The following TTC7B variants were observed in gnomAD, a reference collection of about 807,000 sequenced individuals.
TTC7B encodes tetratricopeptide repeat protein 7B.
In TTC7B, 28 loss-of-function variants were observed where a neutral mutation model predicts 106.8. That is an observed-to-expected ratio of 0.26 (90% CI 0.19 to 0.36). The LOEUF (loss-of-function observed/expected upper bound fraction) is 0.36, where lower values mean the gene tolerates loss of function less well. Ranked by LOEUF, TTC7B falls within the 10% of genes least tolerant of loss-of-function variation. TTC7B has a pLI of 1.00. For synonymous variants in TTC7B, 405 were observed against 430.6 expected (o/e 0.94, Z 0.74); for missense variants, 862 against 1,076.4 (o/e 0.80, Z 2.79).
chr14:90,569,372 G>A (rs1890931943), intron 19 of TTC7B, among the ~76,000 whole-genome samples: 1 of 152,190 alleles, frequency 6.6e-6, no homozygotes, highest in African/African-American at 2.4e-5. Flanking sequence ...GGCTGAGGCT[G>A]TGTCCCAAGT....
At chr14:90,734,282 T>C (rs889500385) in intron 4 of TTC7B, among the ~76,000 whole-genome samples, 1 of 151,790 alleles carries the variant, frequency 6.6e-6, no homozygotes, top group African/African-American at 2.4e-5. Context: ...TAGCCAGGTG[T>C]GGTGGCACGT....
chr14:90,671,735 G>A (rs1008750439), intron 9 of TTC7B, among the ~76,000 whole-genome samples: 2 of 152,230 alleles, frequency 1.3e-5, no homozygotes, highest in Non-Finnish European at 2.9e-5. Context: ...GAATGAGGAT[G>A]TGATAAACCT....
intron 12 of TTC7B, 146 bp downstream of exon 12, chr14:90,654,847 C>G: frequency 1.6e-6 from 1 of 635,140 alleles, no homozygotes; most frequent in African/African-American, 1.8e-5. Context: ...AGGACAGCAG[C>G]ACCAGGGGCC....
intron 19 of TTC7B, among the ~76,000 whole-genome samples, chr14:90,563,472 A>T (rs944987153): frequency 6.6e-6 from 1 of 152,182 alleles, no homozygotes; most frequent in Non-Finnish European, 1.5e-5. Flanking sequence ...CAATCATGTG[A>T]CCCTCAGCAA....
At chr14:90,726,883 A>G (rs1008152009) in intron 5 of TTC7B, among the ~76,000 whole-genome samples, 3 of 152,182 alleles carry the variant, frequency 2.0e-5, no homozygotes, top group Non-Finnish European at 4.4e-5. Flanking sequence ...AATAGATGTG[A>G]AATGGATCTG....
chr14:90,567,378 G>A (rs1349207506), intron 19 of TTC7B: 1 of 152,308 alleles, frequency 6.6e-6, no homozygotes, highest in Non-Finnish European at 1.5e-5. Flanking sequence ...TAAGGGGCAA[G>A]AAGAGACACA....
intron 18 of TTC7B, among the ~76,000 whole-genome samples, chr14:90,592,538 G>A (rs1455597971): frequency 6.6e-6 from 1 of 151,996 alleles, no homozygotes; most frequent in African/African-American, 2.4e-5. Flanking sequence ...GTGAAACCCC[G>A]TCTCTACTAA....
intron 5 of TTC7B, among the ~76,000 whole-genome samples, chr14:90,701,794 G>GTATATATA (rs1365407194): frequency 1.6e-5 from 2 of 124,874 alleles, no homozygotes; most frequent in African/African-American, 7.0e-5. Flanking sequence ...GTGTGTGTGT[G>GTATATATA]TGTATATATA....
rs1439835865 is a variant in TTC7B, at chr14:90,802,665, G to A, written c.121+13510C>T. Among the ~76,000 whole-genome samples, 1 of 152,214 alleles carries A rather than the reference G, an allele frequency of 6.6e-6. No homozygotes were observed. The highest frequency in any genetic ancestry group is 6.5e-5 in the Admixed American group (1 of 15,288). ...GAGCATGGGAATCCGACCTACTGAA[G>A]AGCGGCGGTGCTCCTCCCGGTCTTT... On this transcript the variant is annotated intron_variant, in intron 1 of 19. Transcript: ENST00000328459. The surrounding 1 kb of genome is among the most constrained non-coding windows in gnomAD (Gnocchi z 4.7).
At chr14:90,789,321 C>T (rs1891499585) in intron 1 of TTC7B, among the ~76,000 whole-genome samples, 1 of 152,116 alleles carries the variant, frequency 6.6e-6, no homozygotes, top group Non-Finnish European at 1.5e-5. Context: ...TGGTCTTGAA[C>T]TCCTGACCTC....
chr14:90,693,467 C>G (rs1887552905), intron 6 of TTC7B, among the ~76,000 whole-genome samples: 2 of 152,124 alleles, frequency 1.3e-5, no homozygotes, highest in South Asian at 4.1e-4. Context: ...TCCAATCTGC[C>G]TTATTCTGTC....
chr14:90,662,382 A>G (rs753026797), intron 9 of TTC7B, among the ~76,000 whole-genome samples: 2 of 152,216 alleles, frequency 1.3e-5, no homozygotes, highest in Non-Finnish European at 2.9e-5. Flanking sequence ...TGGTGAGCTT[A>G]GCAGTGCAGA....
At chr14:90,797,350 C>T (rs1024709020) in intron 1 of TTC7B, among the ~76,000 whole-genome samples, 8 of 147,088 alleles carry the variant, frequency 5.4e-5, no homozygotes, top group Non-Finnish European at 1.1e-4. Context: ...CCCAGCTACT[C>T]GGGAGGCTAA....
At chr14:90,555,293 TTC>T (rs1444854330) in intron 19 of TTC7B, among the ~76,000 whole-genome samples, 1 of 152,180 alleles carries the variant, frequency 6.6e-6, no homozygotes, top group Non-Finnish European at 1.5e-5. Flanking sequence ...TTCCCTGCTG[TTC>T]TCTGTCAGTC....
intron 5 of TTC7B, among the ~76,000 whole-genome samples, chr14:90,707,816 T>G (rs893758879): frequency 6.6e-6 from 1 of 152,078 alleles, no homozygotes; most frequent in Non-Finnish European, 1.5e-5. Context: ...GAGGCTGGTT[T>G]ATGAGGTTGA....
chr14:90,656,078 AC>A (rs1374460150), intron 11 of TTC7B, among the ~76,000 whole-genome samples: 1 of 152,178 alleles, frequency 6.6e-6, no homozygotes, highest in Non-Finnish European at 1.5e-5. Flanking sequence ...AACCCACGTG[AC>A]CAAACTACAC....
At chr14:90,684,249 GCTTTA>G (rs986533679) in intron 7 of TTC7B, among the ~76,000 whole-genome samples, 1 of 152,076 alleles carries the variant, frequency 6.6e-6, no homozygotes, top group Admixed American at 6.5e-5. Flanking sequence ...TTAATCTTCT[GCTTTA>G]CTTTGTGTTA....
At chr14:90,614,523 G>A (rs1327037316) in intron 16 of TTC7B, among the ~76,000 whole-genome samples, 4 of 152,206 alleles carry the variant, frequency 2.6e-5, no homozygotes, top group Non-Finnish European at 5.9e-5. Context: ...ACAAGAGGGG[G>A]AAAGAATTGG....
At chr14:90,661,690 A>G (rs371749046) in intron 9 of TTC7B, among the ~76,000 whole-genome samples, 15 of 152,308 alleles carry the variant, frequency 9.8e-5, no homozygotes, top group African/African-American at 3.4e-4. Context: ...TAACACCACC[A>G]AGTACTTCAA....
Sources: gnomAD v4.1 joint callset for allele counts (sites outside exome capture counted in the v4.1 genomes callset) on GRCh38, gnomAD v4.1.1 for gene constraint, Gnocchi (gnomAD v3.1) non-coding constraint, MANE v1.5 for transcripts, NCBI Gene and HGNC (gene_info 2026-07-23, HGNC 2026-07-21) for gene names.